Variants in ZNF512 observed in about 807,000 individuals in gnomAD.
The protein encoded by ZNF512 is zinc finger protein 512.
Under a neutral mutation model 77.5 loss-of-function variants are expected in ZNF512, and 25 were observed. That is an observed-to-expected ratio of 0.32 (90% CI 0.23 to 0.45). The LOEUF is 0.45. Among genes scored for constraint, ZNF512 ranks in the 20% least tolerant of loss-of-function variants. The pLI is 1.00. For synonymous variants in ZNF512, 246 were observed against 239.9 expected (o/e 1.03, Z -0.24); for missense variants, 483 against 692.6 (o/e 0.70, Z 3.40).
chr2:27,620,426 A>G (rs1272256106), intron 13 of ZNF512, among the ~76,000 whole-genome samples: 1 of 152,182 alleles, frequency 6.6e-6, no homozygotes, highest in Admixed American at 6.6e-5. Context: ...CACATTCTGG[A>G]ATTTTGCTGA....
intron 10 of ZNF512, among the ~76,000 whole-genome samples, chr2:27,614,593 G>T (rs1672801763): frequency 6.6e-6 from 1 of 151,692 alleles, no homozygotes; most frequent in Admixed American, 6.6e-5. Flanking sequence ...CAGGAGAATG[G>T]CGTGAACCCA....
chr2:27,583,774 A>G, intron 2 of ZNF512, 58 bp downstream of exon 2: 4 of 1,578,742 alleles, frequency 2.5e-6, no homozygotes, highest in South Asian at 2.3e-5. Flanking sequence ...GACCAGTAGA[A>G]CTTCTTCCTG....
rs544705180 is a variant in ZNF512, at chr2:27,592,319, A to AT, written c.90-5738dup. Among the ~76,000 whole-genome samples the AT allele has an allele frequency of 1.4e-3, 210 of 145,394 alleles. 1 individual carries two copies. Among genetic ancestry groups the AT allele is most frequent in the African/African-American group, 4.2e-3 (165 of 39,370 alleles). On this transcript the variant is annotated intron_variant, in intron 2 of 13. Coordinates refer to ENST00000355467, the MANE Select transcript of ZNF512 (RefSeq NM_032434.4). The stretch of plus-strand genomic sequence containing the variant: ...TTTTTTTATTTATTTATTTATTTTT[A>AT]TTTTTTTTTTGAGATGGAGTCTCGC...
intron 9 of ZNF512, 107 bp from the exon 10 acceptor site, chr2:27,607,738 A>G (rs1458551753): frequency 5.7e-6 from 6 of 1,049,312 alleles, no homozygotes; most frequent in Non-Finnish European, 7.0e-6. Flanking sequence ...TTAGCAATCT[A>G]CTACATAGCT....
chr2:27,613,189 C>A (rs891335346), intron 10 of ZNF512, among the ~76,000 whole-genome samples: 1 of 151,722 alleles, frequency 6.6e-6, no homozygotes, highest in Non-Finnish European at 1.5e-5. Context: ...TGATACTCTG[C>A]TTTATTTCAC....
At chr2:27,604,547 G>C (rs1324531480) in intron 9 of ZNF512, among the ~76,000 whole-genome samples, 6 of 152,312 alleles carry the variant, frequency 3.9e-5, no homozygotes, top group Admixed American at 3.3e-4. Context: ...TTGGGAAGCT[G>C]AGGTGGGTGG....
intron 2 of ZNF512, among the ~76,000 whole-genome samples, chr2:27,596,021 A>G (rs916170568): frequency 6.6e-6 from 1 of 151,864 alleles, no homozygotes; most frequent in Non-Finnish European, 1.5e-5. Context: ...GTCCTATTAT[A>G]ATTCTTCTGG....
chr2:27,592,974 C>T (rs887257550), intron 2 of ZNF512, among the ~76,000 whole-genome samples: 6 of 151,950 alleles, frequency 3.9e-5, no homozygotes, highest in African/African-American at 7.3e-5. Flanking sequence ...CGTGAGCCAC[C>T]ACGCCTGGCT....
intron 10 of ZNF512, among the ~76,000 whole-genome samples, chr2:27,610,544 G>GTA (rs1247718248): frequency 0.04 from 1,292 of 32,638 alleles, 59 homozygotes; most frequent in African/African-American, 0.074. Context: ...ATATGTGTGT[G>GTA]TATATATATA....
chr2:27,596,954 T>G (rs1671897978), intron 2 of ZNF512, among the ~76,000 whole-genome samples: 1 of 152,254 alleles, frequency 6.6e-6, no homozygotes, highest in South Asian at 2.1e-4. Context: ...GGATTTGTTT[T>G]TAGCTTGCTG....
chr2:27,604,207 G>A (rs561595226), intron 9 of ZNF512, among the ~76,000 whole-genome samples: 14 of 152,184 alleles, frequency 9.2e-5, no homozygotes, highest in Admixed American at 9.2e-4. Context: ...GATTATAGGC[G>A]TGAGCCACTG....
In ZNF512 at chr2:27,603,162, G is replaced by C; in HGVS notation, c.791G>C (p.Ser264Thr). The C allele has an allele frequency of 6.2e-7, 1 of 1,614,138 alleles. No individual in the cohort carries two copies. The highest frequency in any genetic ancestry group is 1.7e-5 in the Admixed American group (1 of 60,006). Residue 264 changes from serine (S) to threonine (T), a missense_variant, in exon 9 of 14, where the codon AGC (serine) becomes ACC (threonine). This residue lies in a region of ZNF512 where 324 missense variants were observed against 525.0 expected (regional missense o/e 0.62). Coordinates refer to ENST00000355467, the MANE Select transcript of ZNF512 (RefSeq NM_032434.4). ...CAGAGTTGCTCCAGTAGCTTCACCA[G>C]CATCATGGGATATCTCTACCATGTC... ...MRESCSSSFT[S>T]IMGYLYHVRK...
At chr2:27,593,005 C>CT in intron 2 of ZNF512, among the ~76,000 whole-genome samples, 1 of 151,500 alleles carries the variant, frequency 6.6e-6, no homozygotes, top group Non-Finnish European at 1.5e-5. Flanking sequence ...TATTCTTTTT[C>CT]TTTTTTTCCT....
chr2:27,616,992 A>G (rs1672909280), intron 12 of ZNF512: 1 of 161,624 alleles, frequency 6.2e-6, no homozygotes, highest in South Asian at 1.7e-4. Flanking sequence ...GGAGTTTGTC[A>G]TCTTGATCCT....
In ZNF512 at chr2:27,621,709, C is replaced by T; in HGVS notation, c.*248C>T. The T allele has an allele frequency of 2.5e-6, 1 of 407,072 alleles. No homozygotes were observed. The allele number at this position is 407,072 out of a possible 1,614,324, so 25.2% of individuals were successfully genotyped here. ...TTTTTTTATCTTGCCCAAAGAGCTC[C>T]CTCTCAAGGCCAACTATAGGCTCCT... On this transcript the variant is annotated 3_prime_UTR_variant, in exon 14 of 14. Coordinates refer to ENST00000355467, the MANE Select transcript of ZNF512 (RefSeq NM_032434.4).
At chr2:27,605,170 T>C (rs1672299703) in intron 9 of ZNF512, among the ~76,000 whole-genome samples, 3 of 152,164 alleles carry the variant, frequency 2.0e-5, no homozygotes, top group Admixed American at 2.0e-4. Context: ...CAAAGGTTTT[T>C]GGGCTGGGCA....
intron 13 of ZNF512, among the ~76,000 whole-genome samples, chr2:27,618,878 C>T (rs954780992): frequency 3.9e-5 from 6 of 152,134 alleles, no homozygotes; most frequent in Non-Finnish European, 7.3e-5. Flanking sequence ...TATCTCACTG[C>T]AGAAACTATT....
intron 13 of ZNF512, among the ~76,000 whole-genome samples, chr2:27,618,591 A>G (rs1672995016): frequency 6.6e-6 from 1 of 152,230 alleles, no homozygotes; most frequent in African/African-American, 2.4e-5. Context: ...ATAGTTCAGC[A>G]AAAGAAAGAA....
At chr2:27,616,206 G>A (rs965541775) in intron 11 of ZNF512, 56 bp from the exon 12 acceptor site, 15 of 1,370,478 alleles carry the variant, frequency 1.1e-5, no homozygotes, top group Non-Finnish European at 1.6e-5. Context: ...TGGCCAGATT[G>A]TTCAGAGAAG....
Sources: allele counts gnomAD v4.1 joint callset (sites outside exome capture counted in the v4.1 genomes callset), GRCh38; gene constraint gnomAD v4.1.1; regional missense constraint gnomAD v4.1.1; transcripts MANE v1.5; gene names NCBI Gene and HGNC (gene_info 2026-07-23, HGNC 2026-07-21).